The following SVOPL variants were observed in gnomAD, a reference collection of about 807,000 sequenced individuals.
SVOPL encodes SVOP like, also known as putative transporter SVOPL.
SVOPL carries 60 observed loss-of-function variants against 61.0 expected under a neutral mutation model. The observed-to-expected ratio is 0.98, with a 90% confidence interval of 0.80 to 1.22. The LOEUF (loss-of-function observed/expected upper bound fraction) is 1.22, where lower values mean the gene tolerates loss of function less well. Ranked by LOEUF, SVOPL falls within the 50% of genes most tolerant of loss-of-function variation. The pLI is 0.00. For missense variants in SVOPL, 662 were observed against 643.9 expected, an observed-to-expected ratio of 1.03 and a Z score of -0.30; for synonymous variants, 279 against 250.0, an observed-to-expected ratio of 1.12 and a Z score of -1.09.
chr7:138,675,619 G>A (rs866297907), intron 3 of SVOPL, among the ~76,000 whole-genome samples: 32 of 152,030 alleles, frequency 2.1e-4, no homozygotes, highest in African/African-American at 7.5e-4. Context: ...GCCTCCCAAA[G>A]TGCTGGGATT....
rs7799433 is a variant in SVOPL, at chr7:138,622,290, C to G, written c.1264-1155G>C. The stretch of plus-strand genomic sequence containing the variant: ...TCTATGTATCTATCTATCTATCTAT[C>G]TATCTATCTATCTATCTATCTATCG... On this transcript the variant is annotated intron_variant, in intron 13 of 15. Coordinates refer to ENST00000674285, the MANE Select transcript of SVOPL (RefSeq NM_001139456.2). Among the ~76,000 whole-genome samples, 400 of 106,184 alleles carry G rather than the reference C, an allele frequency of 3.8e-3. 7 individuals carry two copies. The highest frequency in any genetic ancestry group is 0.011 in the African/African-American group (322 of 29,806). 69.7% of individuals were successfully genotyped at this position (106,184 alleles called of 152,430 possible).
chr7:138,646,919 T>C (rs1393340264), intron 8 of SVOPL, among the ~76,000 whole-genome samples: 1 of 152,046 alleles, frequency 6.6e-6, no homozygotes, highest in African/African-American at 2.4e-5. Context: ...GGGGCCTGTG[T>C]GTGATTCTCA....
At chr7:138,651,075 T>C (rs1192200333) in intron 7 of SVOPL, among the ~76,000 whole-genome samples, 2 of 151,468 alleles carry the variant, frequency 1.3e-5, no homozygotes, top group Admixed American at 6.6e-5. Flanking sequence ...AAGGAGGCAA[T>C]TTTGGCACAT....
At chr7:138,663,222 A>G in intron 4 of SVOPL, 77 bp from the exon 5 acceptor site, 2 of 1,561,824 alleles carry the variant, frequency 1.3e-6, no homozygotes, top group Non-Finnish European at 1.7e-6. Flanking sequence ...CATTTTCACT[A>G]GAAGTAGGCT....
intron 9 of SVOPL, among the ~76,000 whole-genome samples, chr7:138,641,671 C>CA (rs34649341): frequency 0.77 from 77,692 of 101,190 alleles, 29,835 homozygotes; most frequent in South Asian, 0.85. Flanking sequence ...AACTCCATCT[C>CA]AAAAAAAAAA....
intron 1 of SVOPL, among the ~76,000 whole-genome samples, chr7:138,685,197 G>C (rs1465305853): frequency 1.3e-5 from 2 of 152,096 alleles, no homozygotes; most frequent in African/African-American, 2.4e-5. Flanking sequence ...CTCCCAAAGT[G>C]CTGGGATTAC....
At chr7:138,640,984 C>T (rs1057118944) in intron 9 of SVOPL, among the ~76,000 whole-genome samples, 1 of 152,090 alleles carries the variant, frequency 6.6e-6, no homozygotes, top group African/African-American at 2.4e-5. Context: ...GGGAGGACTG[C>T]TTGACCCCAG....
At chr7:138,679,136 G>T in intron 1 of SVOPL, 57 bp from the exon 2 acceptor site, 3 of 1,222,448 alleles carry the variant, frequency 2.5e-6, no homozygotes, top group Non-Finnish European at 2.3e-6. Flanking sequence ...TGGATAGTTA[G>T]TATATGCCAG....
intron 1 of SVOPL, among the ~76,000 whole-genome samples, chr7:138,680,351 G>A (rs1210069469): frequency 2.6e-5 from 4 of 152,134 alleles, no homozygotes; most frequent in Non-Finnish European, 5.9e-5. Context: ...GTTTTGCCAT[G>A]TTGGCCAGGC....
rs1798602984 is a variant in SVOPL at position 138,603,137 on chromosome 7, C to T, written c.1354-6607G>A. Among the ~76,000 whole-genome samples the T allele has an allele frequency of 2.0e-5, 3 of 152,272 alleles. No individual in the cohort carries two copies. In the South Asian group the frequency reaches 6.2e-4, roughly 32 times the overall value. ...ACAAAACATATGTATATGAAAGCAT[C>T]TGGAAGAACTACAGTGATTATCTCT... On this transcript the variant is annotated intron_variant, in intron 14 of 15. Coordinates refer to ENST00000674285, the MANE Select transcript of SVOPL (RefSeq NM_001139456.2).
intron 14 of SVOPL, among the ~76,000 whole-genome samples, chr7:138,618,431 G>C (rs1163152350): frequency 6.6e-6 from 1 of 151,938 alleles, no homozygotes; most frequent in Non-Finnish European, 1.5e-5. Context: ...GAGGCGAGGC[G>C]GGCCGATCAC....
chr7:138,676,222 A>G (rs1463337244), intron 3 of SVOPL, among the ~76,000 whole-genome samples: 10 of 152,352 alleles, frequency 6.6e-5, no homozygotes, highest in African/African-American at 2.4e-4. Context: ...CACTGTTGTG[A>G]AAGCCTCTGG....
chr7:138,674,821 A>T (rs1802518017), intron 3 of SVOPL, among the ~76,000 whole-genome samples: 1 of 150,174 alleles, frequency 6.7e-6, no homozygotes, highest in African/African-American at 2.5e-5. Flanking sequence ...ACGCCACTGC[A>T]CTCCAGCCTG....
chr7:138,650,264 G>A lies in SVOPL; in HGVS notation c.535-1127C>T, dbSNP rs6956029. ...TCGACTGAAGGTCTAATAATAGAGG[G>A]TGTGTTAGTAGGGCTTGTGATTGGG... On this transcript the variant is annotated intron_variant, in intron 7 of 15. Transcript: ENST00000674285. Among the ~76,000 whole-genome samples the A allele has an allele frequency of 7.9e-3, 1,203 of 152,244 alleles. 10 individuals carry two copies. The highest frequency in any genetic ancestry group is 0.027 in the African/African-American group (1,121 of 41,508).
chr7:138,660,093 C>A (rs961914319), intron 5 of SVOPL, 105 bp from the exon 6 acceptor site: 2 of 1,495,552 alleles, frequency 1.3e-6, no homozygotes, highest in African/African-American at 2.8e-5. Context: ...ATAGTTGCTT[C>A]TCTGAGGAGC....
At chr7:138,654,471 G>A (rs979314366) in intron 7 of SVOPL, among the ~76,000 whole-genome samples, 7 of 148,090 alleles carry the variant, frequency 4.7e-5, no homozygotes, top group Non-Finnish European at 1.0e-4. Context: ...ATGACAGCAT[G>A]TCTGTTTACA....
intron 1 of SVOPL, among the ~76,000 whole-genome samples, chr7:138,693,948 G>T (rs2117145672): frequency 6.6e-6 from 1 of 152,290 alleles, no homozygotes. Context: ...TACATACAGT[G>T]GCTGGCAAAT....
chr7:138,694,898 C>T (rs1803033422), intron 1 of SVOPL, among the ~76,000 whole-genome samples: 2 of 151,976 alleles, frequency 1.3e-5, no homozygotes, highest in South Asian at 4.2e-4. Context: ...GCCACCACAC[C>T]CAGCTAATTT....
Position 138,621,122 on chromosome 7 carries a change from G to T in SVOPL, c.1277C>A (p.Thr426Lys). Reference sequence around the variant, plus strand: ...GGTTCCCATCCCCAAAGCGCGCATCGTGGTGGGGTAGACCTGCAGGGAGAG... The same window carrying T: ...GGTTCCCATCCCCAAAGCGCGCATCTTGGTGGGGTAGACCTGCAGGGAGAG... ...YIYTAEVYPT[T>K]MRALGMGTSG... The change falls in exon 14 of 16, where the codon ACG becomes AAG. Residue 426 changes from threonine to lysine, a missense_variant. Coordinates refer to ENST00000674285, the MANE Select transcript of SVOPL (RefSeq NM_001139456.2). 1.2e-6 allele frequency: 2 copies of T among 1,613,630 alleles called. No individual in the cohort carries two copies. Among genetic ancestry groups the T allele is most frequent in the South Asian group, 2.2e-5 (2 of 90,928 alleles).
Sources: gnomAD v4.1 joint callset for allele counts (sites outside exome capture counted in the v4.1 genomes callset) on GRCh38, gnomAD v4.1.1 for gene constraint, MANE v1.5 for transcripts, NCBI Gene and HGNC (gene_info 2026-07-23, HGNC 2026-07-21) for gene names.